The following RALYL variants were observed in gnomAD, a reference collection of about 807,000 sequenced individuals.
The protein encoded by RALYL is RALY RNA binding protein like.
Under a neutral mutation model 35.1 loss-of-function variants are expected in RALYL, and 29 were observed. That is an observed-to-expected ratio of 0.83 (90% CI 0.61 to 1.13). The LOEUF (loss-of-function observed/expected upper bound fraction) is 1.13. Among genes scored for constraint, RALYL ranks in the 50% most tolerant of loss-of-function variants. The probability of loss-of-function intolerance (pLI) is 0.00; values close to 1 mark genes in which losing one functional copy is unlikely to be tolerated. For missense variants in RALYL, 359 were observed against 360.4 expected (o/e 1.00, Z 0.03); for synonymous variants, 120 against 127.6 (o/e 0.94, Z 0.40).
chr8:84,541,278 A>G (rs2060002357), intron 2 of RALYL, among the ~76,000 whole-genome samples: 1 of 151,974 alleles, frequency 6.6e-6, no homozygotes, highest in Admixed American at 6.6e-5. Flanking sequence ...CTCATCCCAC[A>G]TGTTCTAGTA....
At chr8:84,684,425 G>A (rs1836317939) in intron 2 of RALYL, among the ~76,000 whole-genome samples, 1 of 152,102 alleles carries the variant, frequency 6.6e-6, no homozygotes, top group Non-Finnish European at 1.5e-5. Flanking sequence ...AGACTCAGTG[G>A]GAATTATGAA....
chr8:84,416,090 C>T (rs317953), intron 1 of RALYL, among the ~76,000 whole-genome samples: 73,311 of 152,028 alleles, frequency 0.48, 17,842 homozygotes, highest in South Asian at 0.61. Context: ...ATCTCTTACC[C>T]AATTGACACC....
intron 1 of RALYL, among the ~76,000 whole-genome samples, chr8:84,223,166 C>CTT (rs1563559904): frequency 2.1e-4 from 18 of 83,850 alleles, no homozygotes; most frequent in East Asian, 1.3e-3. Flanking sequence ...TCTTTCCTTC[C>CTT]TCCCTTCCCT....
rs1349063025 is a variant in RALYL, at chr8:84,805,121, C to T, written c.365+319C>T. On this transcript the variant is annotated intron_variant, in intron 4 of 8. Transcript: ENST00000521268. Reference sequence around the variant, plus strand: ...TTTTAAAAATTCCTCTGAGCCATAGCTCCACCATTCCAAGCCTGTCTACCC... The same window carrying T: ...TTTTAAAAATTCCTCTGAGCCATAGTTCCACCATTCCAAGCCTGTCTACCC... Among the ~76,000 whole-genome samples, 3 of 152,194 alleles carry T rather than the reference C, an allele frequency of 2.0e-5. No homozygotes were observed. The East Asian group carries it at 5.8e-4, about 29-fold the overall frequency.
intron 2 of RALYL, among the ~76,000 whole-genome samples, chr8:84,682,554 C>T (rs1004353639): frequency 6.6e-6 from 1 of 152,124 alleles, no homozygotes. Flanking sequence ...CAACTTCTTC[C>T]TGGTTTAGTG....
intron 1 of RALYL, among the ~76,000 whole-genome samples, chr8:84,457,155 GA>G (rs1046514640): frequency 6.6e-6 from 1 of 151,880 alleles, no homozygotes; most frequent in African/African-American, 2.4e-5. Context: ...AGCATAAATG[GA>G]ATGCAGGGTT....
chr8:84,900,041 G>A (rs1845401638), intron 8 of RALYL, among the ~76,000 whole-genome samples: 1 of 151,960 alleles, frequency 6.6e-6, no homozygotes, highest in African/African-American at 2.4e-5. Flanking sequence ...GGATTTTTGA[G>A]ATGTTAAGAG....
intron 1 of RALYL, among the ~76,000 whole-genome samples, chr8:84,453,013 C>T (rs941248646): frequency 1.3e-5 from 2 of 151,902 alleles, no homozygotes; most frequent in Non-Finnish European, 2.9e-5. Flanking sequence ...TACTGCGTCT[C>T]ATCAGAGCTT....
intron 1 of RALYL, among the ~76,000 whole-genome samples, chr8:84,427,141 A>G (rs368420191): frequency 2.6e-5 from 4 of 152,324 alleles, no homozygotes; most frequent in South Asian, 2.1e-4. Context: ...GGGCAGTTTC[A>G]CCCCAGATAT....
chr8:84,584,192 A>T (rs1811464963), intron 2 of RALYL, among the ~76,000 whole-genome samples: 1 of 152,186 alleles, frequency 6.6e-6, no homozygotes, highest in South Asian at 2.1e-4. Context: ...ATACTAGTGG[A>T]CATATTTTAA....
chr8:84,332,468 G>A (rs1258274744), intron 1 of RALYL, among the ~76,000 whole-genome samples: 1 of 152,030 alleles, frequency 6.6e-6, no homozygotes, highest in East Asian at 1.9e-4. Flanking sequence ...AAGGGGCAGG[G>A]GAATTCTCGG....
chr8:84,380,517 A>G (rs1857766005), intron 1 of RALYL, among the ~76,000 whole-genome samples: 1 of 151,904 alleles, frequency 6.6e-6, no homozygotes, highest in African/African-American at 2.4e-5. Flanking sequence ...ATAATGGCCA[A>G]ATGATGTAAG....
chr8:84,480,588 G>C (rs1184513858), intron 1 of RALYL, among the ~76,000 whole-genome samples: 1 of 152,146 alleles, frequency 6.6e-6, no homozygotes, highest in Non-Finnish European at 1.5e-5. Context: ...GATTTTTACA[G>C]GATGTAAGCA....
chr8:84,548,478 G>T (rs1221977000), intron 2 of RALYL, among the ~76,000 whole-genome samples: 4 of 151,788 alleles, frequency 2.6e-5, no homozygotes, highest in African/African-American at 7.2e-5. Context: ...TTTTTTTGTG[G>T]CCATGTATTT....
intron 2 of RALYL, among the ~76,000 whole-genome samples, chr8:84,673,437 T>C: frequency 6.6e-6 from 1 of 152,182 alleles, no homozygotes; most frequent in East Asian, 1.9e-4. Context: ...TGTCATGCAA[T>C]TTTTGCTCGT....
At chr8:84,319,985 A>C (rs1013013092) in intron 1 of RALYL, among the ~76,000 whole-genome samples, 3 of 152,112 alleles carry the variant, frequency 2.0e-5, no homozygotes, top group African/African-American at 7.2e-5. Flanking sequence ...AAAATACATA[A>C]ATGGTGTCAG....
At chr8:84,847,581 A>C (rs180889003) in intron 4 of RALYL, among the ~76,000 whole-genome samples, 1 of 152,314 alleles carries the variant, frequency 6.6e-6, no homozygotes, top group Non-Finnish European at 1.5e-5. Flanking sequence ...GATGGTAGCC[A>C]ATAGGTGGGC....
chr8:84,377,225 G>C (rs79113974), intron 1 of RALYL, among the ~76,000 whole-genome samples: 3 of 151,770 alleles, frequency 2.0e-5, no homozygotes, highest in African/African-American at 4.8e-5. Context: ...TCTGAATAAA[G>C]TACCCCAAGT....
intron 7 of RALYL, among the ~76,000 whole-genome samples, chr8:84,877,780 G>A (rs1007412026): frequency 9.2e-5 from 14 of 152,156 alleles, no homozygotes; most frequent in East Asian, 3.9e-4. Flanking sequence ...CACAGATTAC[G>A]TTGCTCAGAA....
Sources: gnomAD v4.1 joint callset for allele counts (sites outside exome capture counted in the v4.1 genomes callset) on GRCh38, gnomAD v4.1.1 for gene constraint, MANE v1.5 for transcripts, NCBI Gene and HGNC (gene_info 2026-07-23, HGNC 2026-07-21) for gene names.